Variants in AGO3 observed in about 807,000 individuals in gnomAD.
AGO3 encodes protein argonaute-3.
AGO3 carries 16 observed loss-of-function variants against 105.5 expected under a neutral mutation model. The ratio of observed to expected loss-of-function variants is 0.15; its 90% CI spans 0.10 to 0.23. AGO3 has a LOEUF of 0.23. Among genes scored for constraint, AGO3 ranks in the 10% least tolerant of loss-of-function variants. The pLI is 1.00. For missense variants in AGO3, 534 were observed against 1,088.0 expected (o/e 0.49, Z 7.16); for synonymous variants, 340 against 367.3 (o/e 0.93, Z 0.85).
At chr1:36,045,201 A>G (rs1303050356) in intron 17 of AGO3, among the ~76,000 whole-genome samples, 1 of 152,118 alleles carries the variant, frequency 6.6e-6, no homozygotes, top group East Asian at 1.9e-4. Context: ...CCTCACAAAG[A>G]AAGCCAGAAA....
intron 3 of AGO3, among the ~76,000 whole-genome samples, chr1:35,968,476 C>T (rs1443542601): frequency 6.6e-6 from 1 of 152,154 alleles, no homozygotes. Flanking sequence ...ATAGTACTTT[C>T]TGTCTCTGAA....
Position 36,008,056 on chromosome 1 carries a change from T to TA in AGO3, c.794-632dup, listed in dbSNP as rs900166625. 1.4e-4 allele frequency among the ~76,000 whole-genome samples: 22 copies of TA among 152,200 alleles called. No individual in the cohort carries two copies. Among genetic ancestry groups the TA allele is most frequent in the Non-Finnish European group, 2.8e-4 (19 of 68,032 alleles). The stretch of plus-strand genomic sequence containing the variant: ...GATTCTCAAAGGGATCTTGACTCCA[T>TA]AAGAGGGTAGGGATCACCTACTTTA... On this transcript the variant is annotated intron_variant, in intron 6 of 18. Coordinates refer to ENST00000373191, the MANE Select transcript of AGO3 (RefSeq NM_024852.4). The surrounding 1 kb of genome is among the most constrained non-coding windows in gnomAD (Gnocchi z 5.1).
At chr1:35,948,467 G>GCCCCC (rs1646410120) in intron 2 of AGO3, among the ~76,000 whole-genome samples, 1 of 50,804 alleles carries the variant, frequency 2.0e-5, no homozygotes, top group Non-Finnish European at 4.2e-5. Context: ...GTCCCCCCCC[G>GCCCCC]CCCCCACCCC....
Position 36,036,182 on chromosome 1 carries a change from C to G in AGO3, c.1757C>G (p.Ser586Cys). ...NNILVPHQRP[S>C]VFQQPVIFLG... ...TTTTTCAAAATGTGTTTAAGACCTT[C>G]TGTGTTCCAGCAACCAGTGATCTTT... is the stretch of plus-strand genomic sequence containing the variant. The change falls in exon 14 of 19, where the codon TCT (serine) becomes TGT (cysteine). Residue 586 changes from serine (S) to cysteine (C), a missense_variant. Ser to Cys is a moderately radical substitution (Grantham distance 112). Around this residue, in one of 2 missense-constraint regions of AGO3, gnomAD observed 373 missense variants for 854.0 expected, o/e 0.44. Coordinates refer to ENST00000373191, the MANE Select transcript of AGO3 (RefSeq NM_024852.4). 1.2e-6 allele frequency: 2 copies of G among 1,613,974 alleles called. No homozygotes were observed. Among genetic ancestry groups the G allele is most frequent in the Non-Finnish European group, 1.7e-6 (2 of 1,179,908 alleles).
At chr1:35,970,063 TTA>T (rs1362641037) in intron 3 of AGO3, among the ~76,000 whole-genome samples, 2 of 152,184 alleles carry the variant, frequency 1.3e-5, no homozygotes, top group African/African-American at 4.8e-5. Context: ...CTGGTTTATT[TTA>T]TGTTTTCTCT....
intron 2 of AGO3, among the ~76,000 whole-genome samples, chr1:35,962,260 C>G (rs779909903): frequency 6.6e-6 from 1 of 151,982 alleles, no homozygotes; most frequent in Non-Finnish European, 1.5e-5. Flanking sequence ...ACATACGTTA[C>G]TGGCCAGGCG....
At chr1:35,988,140 T>C (rs1191010198) in intron 5 of AGO3, among the ~76,000 whole-genome samples, 1 of 152,156 alleles carries the variant, frequency 6.6e-6, no homozygotes, top group African/African-American at 2.4e-5. Flanking sequence ...TTGAAGTTGG[T>C]TTATTTTCTC....
At position 36,049,378 on chromosome 1, in the gene AGO3, C is replaced by T. The variant is rs577379219; in HGVS notation, c.2275-5568C>T. 2.0e-4 allele frequency among the ~76,000 whole-genome samples: 31 copies of T among 152,152 alleles called. 1 individual carries two copies. Among genetic ancestry groups the T allele is most frequent in the African/African-American group, 7.0e-4 (29 of 41,534 alleles). ...ACTAAAAATACAAAAATTAGCCAGG[C>T]ATGGTGGCACGCACCTGTAGTACCA... is the stretch of plus-strand genomic sequence containing the variant. On this transcript the variant is annotated intron_variant, in intron 17 of 18. Coordinates refer to ENST00000373191, the MANE Select transcript of AGO3 (RefSeq NM_024852.4).
At chr1:36,051,173 G>A (rs1642702024) in intron 17 of AGO3, among the ~76,000 whole-genome samples, 1 of 151,886 alleles carries the variant, frequency 6.6e-6, no homozygotes, top group Non-Finnish European at 1.5e-5. Context: ...GACCTCAAAT[G>A]ATCCGCCTGC....
chr1:36,005,116 A>G (rs977428295), intron 6 of AGO3, among the ~76,000 whole-genome samples: 6 of 152,154 alleles, frequency 3.9e-5, no homozygotes, highest in African/African-American at 1.4e-4. Flanking sequence ...GTGTTCTGAA[A>G]TCTGTATTTT....
chr1:35,986,071 A>G (rs1240531884), intron 5 of AGO3, among the ~76,000 whole-genome samples: 1 of 152,246 alleles, frequency 6.6e-6, no homozygotes, highest in Non-Finnish European at 1.5e-5. Context: ...AATCTTATGA[A>G]ATACCAAATG....
In AGO3 at chr1:36,059,347, T is replaced by A. The variant is rs905247141; in HGVS notation, c.*3602T>A. 1 of 152,042 alleles carries A rather than the reference T, an allele frequency of 6.6e-6. No homozygotes were observed. Among genetic ancestry groups the A allele is most frequent in the Non-Finnish European group, 1.5e-5 (1 of 67,984 alleles). 9.4% of individuals were successfully genotyped at this position (152,042 alleles called of 1,614,324 possible). ...CTAAGTGACAAATGCTTCTTGAAAT[T>A]TGTCCTATTTATTGTTGCATTTCTG... is the stretch of plus-strand genomic sequence containing the variant. On this transcript the variant is annotated 3_prime_UTR_variant, in exon 19 of 19. Transcript: ENST00000373191.
chr1:36,031,953 G>A (rs1196692612), intron 12 of AGO3, among the ~76,000 whole-genome samples: 1 of 151,878 alleles, frequency 6.6e-6, no homozygotes, highest in Admixed American at 6.6e-5. Flanking sequence ...TTATTCTTCT[G>A]TTGATGGACA....
Position 36,013,661 on chromosome 1 carries a change from T to C in AGO3, c.1181T>C (p.Phe394Ser). The stretch of plus-strand genomic sequence containing the variant: ...AGTGCAAATTATGAAACAGATCCAT[T>C]TGTTCAGGAGTTTCAATTTAAAGTT... ...VRSANYETDPFVQEFQFKVRD... is the reference protein window; with the variant it reads ...VRSANYETDPSVQEFQFKVRD... The change falls in exon 10 of 19, where the codon TTT becomes TCT. Residue 394 changes from phenylalanine (F) to serine (S), a missense_variant. Physicochemically the swap from Phe to Ser is radical, Grantham distance 155. Coordinates refer to ENST00000373191, the MANE Select transcript of AGO3 (RefSeq NM_024852.4). The C allele has an allele frequency of 6.2e-7, 1 of 1,614,090 alleles. No homozygotes were observed.
intron 5 of AGO3, among the ~76,000 whole-genome samples, chr1:35,994,283 T>G (rs1294099062): frequency 6.6e-6 from 1 of 151,976 alleles, no homozygotes; most frequent in African/African-American, 2.4e-5. Flanking sequence ...AACCTGGTAC[T>G]AACCCCTGAC....
intron 5 of AGO3, 88 bp from the exon 6 acceptor site, chr1:36,004,253 C>T: frequency 1.5e-6 from 2 of 1,372,788 alleles, no homozygotes; most frequent in African/African-American, 1.4e-5. Flanking sequence ...CATTTTAACC[C>T]TATAGATAGT....
chr1:35,937,521 T>A (rs562380496), intron 1 of AGO3, among the ~76,000 whole-genome samples: 7 of 152,152 alleles, frequency 4.6e-5, no homozygotes, highest in Admixed American at 2.0e-4. Flanking sequence ...TGAAACCCCA[T>A]CTCTATTAAA....
At chr1:35,965,010 T>A in intron 2 of AGO3, among the ~76,000 whole-genome samples, 1 of 152,022 alleles carries the variant, frequency 6.6e-6, no homozygotes, top group East Asian at 1.9e-4. Flanking sequence ...AAGCAGGATA[T>A]TTTTTATTCC....
chr1:36,001,817 T>TA (rs1356412960), intron 5 of AGO3, among the ~76,000 whole-genome samples: 1 of 152,170 alleles, frequency 6.6e-6, no homozygotes, highest in Admixed American at 6.5e-5. Flanking sequence ...TAACAATGGT[T>TA]ACTTATTAGA....
Sources: gnomAD v4.1 joint callset for allele counts (sites outside exome capture counted in the v4.1 genomes callset) on GRCh38, gnomAD v4.1.1 for gene constraint, gnomAD v4.1.1 regional missense constraint, Gnocchi (gnomAD v3.1) non-coding constraint, MANE v1.5 for transcripts, NCBI Gene and HGNC (gene_info 2026-07-23, HGNC 2026-07-21) for gene names.